The following BCKDHB variants were observed in gnomAD, a reference collection of about 807,000 sequenced individuals.
The protein encoded by BCKDHB is branched chain keto acid dehydrogenase E1 subunit beta.
Under a neutral mutation model 48.5 loss-of-function variants are expected in BCKDHB, and 41 were observed. That is an observed-to-expected ratio of 0.85 (90% CI 0.66 to 1.10). BCKDHB has a LOEUF of 1.10. Among genes scored for constraint, BCKDHB ranks in the 50% least tolerant of loss-of-function variants. The probability of loss-of-function intolerance (pLI) is 0.00; values close to 1 mark genes in which losing one functional copy is unlikely to be tolerated. For synonymous variants in BCKDHB, 201 were observed against 174.8 expected, an observed-to-expected ratio of 1.15 and a Z score of -1.18; for missense variants, 496 against 494.2, an observed-to-expected ratio of 1.00 and a Z score of -0.03.
At chr6:80,107,130 G>A (rs1210065045) in intron 1 of BCKDHB, among the ~76,000 whole-genome samples, 1 of 151,726 alleles carries the variant, frequency 6.6e-6, no homozygotes. Context: ...TGGGTGAGAG[G>A]GCATACTGCC....
At chr6:80,411,321 C>A in the BCKDHB span, among the ~76,000 whole-genome samples, 1 of 152,276 alleles carries the variant, frequency 6.6e-6, no homozygotes, top group South Asian at 2.1e-4. Flanking sequence ...GCTGCCTGAT[C>A]CTTCCTCTGG....
Position 80,273,143 on chromosome 6 carries a change from C to A in BCKDHB, c.960C>A (p.Ile320=). 6.2e-7 allele frequency: 1 copy of A among 1,613,174 alleles called. No homozygotes were observed. The highest frequency in any genetic ancestry group is 1.1e-5 in the South Asian group (1 of 91,054). Residue 320 remains isoleucine, a synonymous_variant, in exon 9 of 10, where the codon ATC becomes ATA. Transcript: ENST00000320393. ...TTTCTTTTCTCTTTCAGTCTGTGATCAAAACAGGGCGACTGCTAATCAGTC... is the reference window on the plus strand; with the variant it reads ...TTTCTTTTCTCTTTCAGTCTGTGATAAAAACAGGGCGACTGCTAATCAGTC... ...WDVDTICKSV[I]KTGRLLISHE...
intron 3 of BCKDHB, among the ~76,000 whole-genome samples, chr6:80,157,263 C>T (rs1772088942): frequency 6.6e-6 from 1 of 152,002 alleles, no homozygotes; most frequent in South Asian, 2.1e-4. Context: ...ATCCACTGAT[C>T]TGTGTGTGGG....
At chr6:80,275,455 T>C (rs1440317953) in intron 9 of BCKDHB, among the ~76,000 whole-genome samples, 1 of 152,062 alleles carries the variant, frequency 6.6e-6, no homozygotes, top group Admixed American at 6.6e-5. Flanking sequence ...GATGGAGGAA[T>C]TATATTTAAT....
At chr6:80,421,280 A>G in the BCKDHB span, among the ~76,000 whole-genome samples, 1 of 152,102 alleles carries the variant, frequency 6.6e-6, no homozygotes, top group South Asian at 2.1e-4. Flanking sequence ...TTATGATTGT[A>G]TGTTTCCTGA....
chr6:80,230,023 G>GTTTTTTTTTTTT (rs1215666594), intron 8 of BCKDHB, among the ~76,000 whole-genome samples: 1 of 89,510 alleles, frequency 1.1e-5, no homozygotes, highest in African/African-American at 5.7e-5. Flanking sequence ...GGGTTTTTAG[G>GTTTTTTTTTTTT]TTGTTTTTTT....
At chr6:80,328,152 T>G in intron 9 of BCKDHB, among the ~76,000 whole-genome samples, 1 of 152,180 alleles carries the variant, frequency 6.6e-6, no homozygotes, top group East Asian at 1.9e-4. Context: ...TGAGAGATAT[T>G]AAGATAAGGG....
At chr6:80,381,410 A>G in the BCKDHB span, among the ~76,000 whole-genome samples, 2 of 152,100 alleles carry the variant, frequency 1.3e-5, no homozygotes, top group African/African-American at 4.8e-5. Context: ...CACAATCGAT[A>G]AAGCCATAAA....
chr6:80,409,574 G>GCATA, the BCKDHB span, among the ~76,000 whole-genome samples: 1 of 46,940 alleles, frequency 2.1e-5, no homozygotes, highest in Admixed American at 3.6e-4. Flanking sequence ...TGTATTGGTT[G>GCATA]CATATATATA....
chr6:80,350,487 T>C (rs1770362556), downstream of BCKDHB, among the ~76,000 whole-genome samples: 1 of 152,096 alleles, frequency 6.6e-6, no homozygotes, highest in Non-Finnish European at 1.5e-5. Context: ...AGACCATGTA[T>C]GGTTGTGTTT....
rs185128407 is a variant in BCKDHB, at chr6:80,312,960, G to C, written c.1039-30704G>C. Among the ~76,000 whole-genome samples, 53 of 152,202 alleles carry C rather than the reference G, an allele frequency of 3.5e-4. No homozygotes were observed. The East Asian group carries it at 9.7e-3, about 28-fold the overall frequency. On this transcript the variant is annotated intron_variant, in intron 9 of 9. Coordinates refer to ENST00000320393, the MANE Select transcript of BCKDHB (RefSeq NM_183050.4). ...GCCTCATAGAATGAGTTAGAGAGGA[G>C]TCCATCCTTTTTGATTTTTTGGAAT...
the BCKDHB span, among the ~76,000 whole-genome samples, chr6:80,425,772 G>A: frequency 1.3e-5 from 2 of 152,130 alleles, no homozygotes; most frequent in Non-Finnish European, 2.9e-5. Flanking sequence ...TATTTGGAAA[G>A]GGGGATAATG....
intron 8 of BCKDHB, among the ~76,000 whole-genome samples, chr6:80,259,394 G>A (rs545170904): frequency 1.2e-4 from 18 of 152,270 alleles, no homozygotes; most frequent in African/African-American, 3.6e-4. Context: ...TAGTAGGACC[G>A]GGGAGCAATA....
chr6:80,238,785 G>A (rs1269009679), intron 8 of BCKDHB, among the ~76,000 whole-genome samples: 2 of 151,842 alleles, frequency 1.3e-5, no homozygotes, highest in Non-Finnish European at 2.9e-5. Context: ...AGTGTGTGAT[G>A]TTCCCCACCC....
intron 2 of BCKDHB, among the ~76,000 whole-genome samples, 171 bp from the exon 3 acceptor site, chr6:80,128,990 T>A (rs151145863): frequency 1.0e-3 from 152 of 152,020 alleles, no homozygotes; most frequent in African/African-American, 3.5e-3. Context: ...AACAAAAGAA[T>A]CATCTAGTCT....
At chr6:80,413,631 C>A in the BCKDHB span, among the ~76,000 whole-genome samples, 1 of 152,170 alleles carries the variant, frequency 6.6e-6, no homozygotes, top group Non-Finnish European at 1.5e-5. Context: ...AACATGATAT[C>A]ATTCTCGTTA....
rs1188844926 is a variant in BCKDHB at position 80,139,623 on chromosome 6, G to A, written c.343+10394G>A. 5.3e-5 allele frequency among the ~76,000 whole-genome samples: 8 copies of A among 151,876 alleles called. No homozygotes were observed. In the East Asian group the frequency reaches 1.5e-3, roughly 29 times the overall value. The stretch of plus-strand genomic sequence containing the variant: ...AAGATCAGATAGTTGTAGATATGTG[G>A]CATTATTTCTGAGGGCTCTGTTCTG... On this transcript the variant is annotated intron_variant, in intron 3 of 9. Coordinates refer to ENST00000320393, the MANE Select transcript of BCKDHB (RefSeq NM_183050.4).
chr6:80,136,136 G>A (rs548269774), intron 3 of BCKDHB, among the ~76,000 whole-genome samples: 3 of 152,082 alleles, frequency 2.0e-5, no homozygotes, highest in Non-Finnish European at 4.4e-5. Flanking sequence ...ATACTGATGT[G>A]CAAATATTTG....
chr6:80,149,446 T>TGACCCAGCCATCCCATTA (rs1554186867), intron 3 of BCKDHB, among the ~76,000 whole-genome samples: 2 of 152,174 alleles, frequency 1.3e-5, no homozygotes, highest in Non-Finnish European at 2.9e-5. Context: ...AAATACCATT[T>TGACCCAGCCATCCCATTA]GACCCAGCCA....
Sources: gnomAD v4.1 joint callset for allele counts (sites outside exome capture counted in the v4.1 genomes callset) on GRCh38, gnomAD v4.1.1 for gene constraint, MANE v1.5 for transcripts, NCBI Gene and HGNC (gene_info 2026-07-23, HGNC 2026-07-21) for gene names.